The following DOK6 variants were observed in gnomAD, a reference collection of about 807,000 sequenced individuals.
The protein encoded by DOK6 is downstream of tyrosine kinase 6.
Under a neutral mutation model 44.0 loss-of-function variants are expected in DOK6, and 22 were observed. The ratio of observed to expected loss-of-function variants is 0.50; its 90% CI spans 0.36 to 0.71. The LOEUF (loss-of-function observed/expected upper bound fraction) is 0.71, where lower values mean the gene tolerates loss of function less well. Ranked by LOEUF, DOK6 falls within the 30% of genes least tolerant of loss-of-function variation. DOK6 has a pLI of 0.00. For synonymous variants in DOK6, 166 were observed against 145.5 expected (o/e 1.14, Z -1.01); for missense variants, 340 against 416.4 (o/e 0.82, Z 1.60).
intron 1 of DOK6, among the ~76,000 whole-genome samples, chr18:69,529,708 C>G (rs1399392459): frequency 6.6e-6 from 1 of 152,080 alleles, no homozygotes; most frequent in Non-Finnish European, 1.5e-5. Context: ...TATTAAAATC[C>G]AACACAGCCA....
chr18:69,666,999 C>T (rs1184504117), intron 3 of DOK6, among the ~76,000 whole-genome samples: 1 of 152,116 alleles, frequency 6.6e-6, no homozygotes, highest in Admixed American at 6.5e-5. Flanking sequence ...AGGACCCCCC[C>T]TCCCCGCCAT....
rs569566627 is a variant in DOK6, at chr18:69,447,249, A to T, written c.66+45939A>T. On this transcript the variant is annotated intron_variant, in intron 1 of 7. Transcript: ENST00000382713. ...TTTTTGTATATGGTGTAAGGAAGGG[A>T]TCCAATTTCAGCTTTCTACATATGG... Among the ~76,000 whole-genome samples, 83 of 152,292 alleles carry T rather than the reference A, an allele frequency of 5.5e-4. 1 individual carries two copies. The South Asian group carries it at 0.017, about 31-fold the overall frequency.
intron 1 of DOK6, among the ~76,000 whole-genome samples, chr18:69,445,128 G>T (rs1366158614): frequency 6.6e-6 from 1 of 151,722 alleles, no homozygotes; most frequent in East Asian, 1.9e-4. Flanking sequence ...ATTATTAATT[G>T]CTACGGCATG....
At chr18:69,518,149 G>C (rs191582143) in intron 1 of DOK6, among the ~76,000 whole-genome samples, 1 of 151,824 alleles carries the variant, frequency 6.6e-6, no homozygotes, top group Admixed American at 6.6e-5. Context: ...CCTTAATTTT[G>C]GGAAAGCATT....
intron 2 of DOK6, among the ~76,000 whole-genome samples, chr18:69,587,693 G>A (rs1245861547): frequency 2.0e-5 from 3 of 151,982 alleles, no homozygotes; most frequent in Admixed American, 1.3e-4. Flanking sequence ...AAGTAAGAGC[G>A]ATGTTGTAAC....
intron 3 of DOK6, among the ~76,000 whole-genome samples, chr18:69,626,206 C>T (rs1325996488): frequency 6.6e-6 from 1 of 152,160 alleles, no homozygotes; most frequent in East Asian, 1.9e-4. Flanking sequence ...ACATTTTTCA[C>T]AAATATAAAA....
In DOK6 at chr18:69,524,907, A is replaced by G. The variant is rs536904347; in HGVS notation, c.67-39580A>G. Among the ~76,000 whole-genome samples, 454 of 151,946 alleles carry G rather than the reference A, an allele frequency of 3.0e-3. 5 individuals carry two copies. The highest frequency in any genetic ancestry group is 0.01 in the African/African-American group (424 of 41,528). On this transcript the variant is annotated intron_variant, in intron 1 of 7. Transcript: ENST00000382713. ...ATTGGACAAGTCGACTTTAATTGCT[A>G]TGCTTGCAAATTCACTGGAGAGATG...
intron 1 of DOK6, among the ~76,000 whole-genome samples, chr18:69,473,537 C>T (rs960082235): frequency 6.6e-6 from 1 of 152,162 alleles, no homozygotes; most frequent in Non-Finnish European, 1.5e-5. Context: ...AAGATCCCTA[C>T]ATATCAGCTG....
chr18:69,779,668 A>G (rs1199704961), intron 7 of DOK6, among the ~76,000 whole-genome samples: 1 of 150,398 alleles, frequency 6.6e-6, no homozygotes, highest in African/African-American at 2.4e-5. Flanking sequence ...AGCTGTAACA[A>G]TAGGAGAGGT....
intron 1 of DOK6, among the ~76,000 whole-genome samples, chr18:69,495,804 T>A (rs1239157961): frequency 1.3e-5 from 2 of 152,098 alleles, no homozygotes; most frequent in East Asian, 3.9e-4. Context: ...CCCCCTCAAC[T>A]TCCCTCCTAT....
At chr18:69,552,868 A>G (rs1420089840) in intron 1 of DOK6, among the ~76,000 whole-genome samples, 1 of 152,272 alleles carries the variant, frequency 6.6e-6, no homozygotes. Flanking sequence ...AGCTGTATTC[A>G]TAGAGAAAAT....
intron 7 of DOK6, among the ~76,000 whole-genome samples, chr18:69,775,883 T>C (rs1164076484): frequency 6.6e-6 from 1 of 151,890 alleles, no homozygotes; most frequent in Non-Finnish European, 1.5e-5. Flanking sequence ...GGTCATTACA[T>C]GTTATCATTA....
intron 1 of DOK6, among the ~76,000 whole-genome samples, chr18:69,518,156 C>A (rs1981584589): frequency 6.6e-6 from 1 of 152,148 alleles, no homozygotes; most frequent in South Asian, 2.1e-4. Context: ...TTTGGGAAAG[C>A]ATTGCCGGTC....
intron 1 of DOK6, among the ~76,000 whole-genome samples, chr18:69,459,321 C>G (rs762434237): frequency 2.6e-5 from 4 of 151,582 alleles, no homozygotes; most frequent in Admixed American, 2.0e-4. Flanking sequence ...TTCTAGGGCT[C>G]ATACATTTCT....
At chr18:69,816,070 T>A (rs1282846713) in intron 7 of DOK6, among the ~76,000 whole-genome samples, 2 of 152,262 alleles carry the variant, frequency 1.3e-5, no homozygotes, top group East Asian at 3.9e-4. Context: ...ATATTGATAA[T>A]AATGACAATG....
Position 69,401,228 on chromosome 18 carries a change from G to A in DOK6, c.-17G>A. On this transcript the variant is annotated 5_prime_UTR_variant, in exon 1 of 8. Coordinates refer to ENST00000382713, the MANE Select transcript of DOK6 (RefSeq NM_152721.6). ...GGAGAGCGGATCGCGGGGCGCAGGA[G>A]CCCGATCGCGCTGGCCATGGCCTCC... is the stretch of plus-strand genomic sequence containing the variant. The A allele has an allele frequency of 6.4e-7, 1 of 1,553,510 alleles. No individual in the cohort carries two copies. Among genetic ancestry groups the A allele is most frequent in the Non-Finnish European group, 8.7e-7 (1 of 1,151,550 alleles).
chr18:69,652,481 A>C (rs1985254721), intron 3 of DOK6, among the ~76,000 whole-genome samples: 1 of 152,196 alleles, frequency 6.6e-6, no homozygotes, highest in Non-Finnish European at 1.5e-5. Context: ...CCAAAGAATG[A>C]CTTGGGCAAT....
At chr18:69,477,385 G>C (rs969037875) in intron 1 of DOK6, among the ~76,000 whole-genome samples, 24 of 152,246 alleles carry the variant, frequency 1.6e-4, no homozygotes, top group African/African-American at 5.5e-4. Context: ...ATCAAAAAGT[G>C]TATGTTTTAA....
intron 7 of DOK6, among the ~76,000 whole-genome samples, chr18:69,831,818 T>C (rs1342868354): frequency 6.6e-6 from 1 of 152,202 alleles, no homozygotes. Context: ...TCAGATACAG[T>C]TTATAGAAAA....
Sources: gnomAD v4.1 joint callset for allele counts (sites outside exome capture counted in the v4.1 genomes callset) on GRCh38, gnomAD v4.1.1 for gene constraint, MANE v1.5 for transcripts, NCBI Gene and HGNC (gene_info 2026-07-23, HGNC 2026-07-21) for gene names.